MYBPHL: variants seen among roughly 807,000 people sequenced by gnomAD.
MYBPHL encodes the protein myosin-binding protein H-like.
MYBPHL carries 32 observed loss-of-function variants against 39.5 expected under a neutral mutation model. That is an observed-to-expected ratio of 0.81 (90% confidence interval 0.61 to 1.09). The LOEUF is 1.09. MYBPHL is among the 50% of genes least tolerant of loss of function. MYBPHL has a pLI of 0.00. For missense variants in MYBPHL, 456 were observed against 460.2 expected (o/e 0.99, Z 0.08); for synonymous variants, 196 against 183.7 (o/e 1.07, Z -0.54).
At chr1:109,306,788 A>G (rs1658483335) in intron 1 of MYBPHL, 59 bp downstream of exon 1, 1 of 1,447,026 alleles carries the variant, frequency 6.9e-7, no homozygotes, top group Admixed American at 2.6e-5. Context: ...GAAGGTGGCG[A>G]TGTCTTCCCC....
At chr1:109,293,280 C>T (rs1470879182) in intron 8 of MYBPHL, among the ~76,000 whole-genome samples, 2 of 152,192 alleles carry the variant, frequency 1.3e-5, no homozygotes, top group African/African-American at 4.8e-5. Flanking sequence ...CTCCCTCCCA[C>T]AGAATCTCCT....
At chr1:109,295,002 G>A (rs1260267858) in intron 7 of MYBPHL, 109 bp downstream of exon 7, 12 of 1,034,766 alleles carry the variant, frequency 1.2e-5, no homozygotes, top group Non-Finnish European at 1.7e-5. Flanking sequence ...GAGTCCAGCG[G>A]AGGAACCCCT....
In MYBPHL at chr1:109,303,334, ACTCT is replaced by A. The variant is rs1486504232; in HGVS notation, c.145+3509_145+3512del. 1.1e-4 allele frequency among the ~76,000 whole-genome samples: 17 copies of A among 151,684 alleles called. No individual in the cohort carries two copies. The South Asian group carries it at 2.7e-3, about 24-fold the overall frequency. On this transcript the variant is annotated intron_variant, in intron 1 of 8. Transcript: ENST00000357155. Reference sequence around the variant, plus strand: ...ACTTAGATTGCACGGTCATTATTATACTCTCTCTCTTGCACTCACTCAAATCCCT... The same window carrying A: ...ACTTAGATTGCACGGTCATTATTATACTCTCTTGCACTCACTCAAATCCCT...
At chr1:109,306,559 A>G (rs1183598251) in intron 1 of MYBPHL, among the ~76,000 whole-genome samples, 1 of 152,164 alleles carries the variant, frequency 6.6e-6, no homozygotes, top group African/African-American at 2.4e-5. Flanking sequence ...CAATTTTTTA[A>G]AAGGTAAAAA....
chr1:109,297,554 T>C lies in MYBPHL; in HGVS notation c.298A>G (p.Ser100Gly), dbSNP rs753958230. Reference protein sequence around the residue: ...DGCALDTRRVSVRNGEQDSIL... With the variant: ...DGCALDTRRVGVRNGEQDSIL... The stretch of plus-strand genomic sequence containing the variant: ...GAGTCTTGCTCCCCATTCCGCACAC[T>C]CACACGCCTGGTGTCCAAGGCACAG... The change falls in exon 3 of 9, where the codon AGT becomes GGT. Residue 100 changes from serine to glycine, a missense_variant. Coordinates refer to ENST00000357155, the MANE Select transcript of MYBPHL (RefSeq NM_001010985.3). 6.2e-7 allele frequency: 1 copy of C among 1,613,842 alleles called. No homozygotes were observed. The highest frequency in any genetic ancestry group is 1.3e-5 in the African/African-American group (1 of 74,998).
chr1:109,295,546 G>T (rs1658031040), intron 6 of MYBPHL, among the ~76,000 whole-genome samples: 1 of 152,186 alleles, frequency 6.6e-6, no homozygotes, highest in African/African-American at 2.4e-5. Context: ...GAAGAAAACT[G>T]CTAACTTCCG....
At chr1:109,296,664 C>T in intron 5 of MYBPHL, 119 bp downstream of exon 5, 2 of 1,234,008 alleles carry the variant, frequency 1.6e-6, no homozygotes, top group African/African-American at 2.9e-5. Context: ...GTCTTGAACT[C>T]CTGACCTCAG....
At chr1:109,296,007 C>T (rs186040128) in intron 6 of MYBPHL, among the ~76,000 whole-genome samples, 67 of 152,196 alleles carry the variant, frequency 4.4e-4, no homozygotes, top group African/African-American at 1.3e-3. Flanking sequence ...CAGTAAGCAA[C>T]ACCTCCATAT....
intron 1 of MYBPHL, among the ~76,000 whole-genome samples, chr1:109,305,362 C>A (rs537998833): frequency 1.3e-5 from 2 of 152,198 alleles, no homozygotes; most frequent in African/African-American, 4.8e-5. Flanking sequence ...TTCTGGGATA[C>A]CACTGGGTTG....
At chr1:109,302,306 T>A (rs1476669657) in intron 1 of MYBPHL, among the ~76,000 whole-genome samples, 1 of 152,114 alleles carries the variant, frequency 6.6e-6, no homozygotes, top group South Asian at 2.1e-4. Context: ...CGGGATTTCT[T>A]AGAGAAACAT....
chr1:109,298,522 G>C (rs906524511), intron 1 of MYBPHL, among the ~76,000 whole-genome samples: 21 of 152,288 alleles, frequency 1.4e-4, no homozygotes, highest in African/African-American at 5.1e-4. Context: ...TAACTCTCAA[G>C]TACTGACTTT....
chr1:109,296,952 C>G lies in MYBPHL; in HGVS notation c.571-10G>C, dbSNP rs201124842. 1.9e-6 allele frequency: 3 copies of G among 1,614,024 alleles called. No individual in the cohort carries two copies. Among genetic ancestry groups the G allele is most frequent in the South Asian group, 2.2e-5 (2 of 91,072 alleles). On this transcript the variant is annotated splice_polypyrimidine_tract_variant and intron_variant, in intron 4 of 8. Coordinates refer to ENST00000357155, the MANE Select transcript of MYBPHL (RefSeq NM_001010985.3). ...GCACCGTGAACCACAGCTGCGGGGCCGAACATGATGCCAGAAATCAGCCAC... is the reference window on the plus strand; with the variant it reads ...GCACCGTGAACCACAGCTGCGGGGCGGAACATGATGCCAGAAATCAGCCAC...
intron 3 of MYBPHL, 29 bp from the exon 4 acceptor site, chr1:109,297,218 G>A (rs750144282): frequency 2.5e-5 from 41 of 1,614,012 alleles, no homozygotes; most frequent in Admixed American, 6.7e-5. Context: ...GGCAGTGGGC[G>A]TGGAACATCC....
At chr1:109,300,955 T>A (rs2101483041) in intron 1 of MYBPHL, among the ~76,000 whole-genome samples, 1 of 152,294 alleles carries the variant, frequency 6.6e-6, no homozygotes, top group African/African-American at 2.4e-5. Flanking sequence ...GGGCAGAGTA[T>A]GGACGTGAGG....
chr1:109,306,206 C>T (rs1000831649), intron 1 of MYBPHL, among the ~76,000 whole-genome samples: 7 of 152,194 alleles, frequency 4.6e-5, no homozygotes, highest in African/African-American at 9.6e-5. Flanking sequence ...GCAGGAAGCT[C>T]GGGGTTGGAA....
chr1:109,293,838 T>TG (rs1557760652), intron 8 of MYBPHL, among the ~76,000 whole-genome samples: 2 of 151,646 alleles, frequency 1.3e-5, no homozygotes, highest in African/African-American at 4.9e-5. Flanking sequence ...CCGAGGTGAG[T>TG]GAATCACTTG....
intron 3 of MYBPHL, 86 bp from the exon 4 acceptor site, chr1:109,297,275 C>A: frequency 6.3e-7 from 1 of 1,592,954 alleles, no homozygotes; most frequent in South Asian, 1.1e-5. Flanking sequence ...CCTTTTTCTC[C>A]TCAGTTACCC....
intron 5 of MYBPHL, 64 bp from the exon 6 acceptor site, chr1:109,296,434 C>T (rs185728351): frequency 1.3e-6 from 2 of 1,563,554 alleles, no homozygotes; most frequent in African/African-American, 1.4e-5. Flanking sequence ...GACTCTTTAT[C>T]CTTAGTATTT....
chr1:109,295,041 C>T, intron 7 of MYBPHL, 70 bp downstream of exon 7: 1 of 1,544,228 alleles, frequency 6.5e-7, no homozygotes, highest in Non-Finnish European at 8.9e-7. Flanking sequence ...TCTCTGTTCC[C>T]TGACTCTTCC....
Sources: gnomAD v4.1 joint callset for allele counts (sites outside exome capture counted in the v4.1 genomes callset) on GRCh38, gnomAD v4.1.1 for gene constraint, MANE v1.5 for transcripts, NCBI Gene and HGNC (gene_info 2026-07-23, HGNC 2026-07-21) for gene names.